FARS2: variants seen among roughly 807,000 people sequenced by gnomAD.
FARS2 encodes phenylalanyl-tRNA synthetase 2, mitochondrial.
A neutral mutation model predicts 46.4 loss-of-function variants in FARS2; 40 were observed. The observed-to-expected ratio is 0.86, with a 90% CI of 0.67 to 1.12. The LOEUF (loss-of-function observed/expected upper bound fraction) is 1.12. Ranked by LOEUF, FARS2 falls within the 50% of genes most tolerant of loss-of-function variation. The pLI is 0.00. For synonymous variants in FARS2, 234 were observed against 214.9 expected (o/e 1.09, Z -0.78); for missense variants, 513 against 567.9 (o/e 0.90, Z 0.98).
chr6:5,366,806 T>G (rs1463630081), intron 1 of FARS2, among the ~76,000 whole-genome samples: 2 of 152,186 alleles, frequency 1.3e-5, no homozygotes, highest in African/African-American at 4.8e-5. Flanking sequence ...TTCTTGTGTT[T>G]TGGCAAGGGT....
intron 4 of FARS2, among the ~76,000 whole-genome samples, chr6:5,522,780 A>G (rs1056306305): frequency 1.2e-4 from 19 of 152,376 alleles, no homozygotes; most frequent in Admixed American, 1.2e-3. Context: ...AAAAATAGAG[A>G]AATTGGACCT....
intron 5 of FARS2, among the ~76,000 whole-genome samples, chr6:5,561,213 CTA>C (rs1352262918): frequency 1.3e-5 from 2 of 152,258 alleles, no homozygotes; most frequent in Non-Finnish European, 2.9e-5. Flanking sequence ...TAAAGAAACA[CTA>C]TTTTAAATTA....
intron 6 of FARS2, among the ~76,000 whole-genome samples, chr6:5,712,551 T>G (rs968183138): frequency 2.0e-5 from 3 of 152,218 alleles, no homozygotes; most frequent in Non-Finnish European, 2.9e-5. Context: ...AACTCGGAAA[T>G]GTAGACAGTT....
chr6:5,634,521 G>A (rs1776448294), intron 6 of FARS2, among the ~76,000 whole-genome samples: 1 of 152,070 alleles, frequency 6.6e-6, no homozygotes, highest in African/African-American at 2.4e-5. Flanking sequence ...TGTTGCCCAG[G>A]CTTGAGAGCC....
chr6:5,539,755 G>A (rs1327370444), intron 4 of FARS2, among the ~76,000 whole-genome samples: 3 of 152,094 alleles, frequency 2.0e-5, no homozygotes, highest in Non-Finnish European at 2.9e-5. Context: ...GGAATGGCAG[G>A]AGCAACTATC....
chr6:5,447,369 C>T (rs1174967893), intron 4 of FARS2, among the ~76,000 whole-genome samples: 1 of 152,156 alleles, frequency 6.6e-6, no homozygotes, highest in Non-Finnish European at 1.5e-5. Flanking sequence ...TGCAGCTTTC[C>T]TAAGCATAAT....
intron 1 of FARS2, among the ~76,000 whole-genome samples, chr6:5,355,374 G>T (rs4960081): frequency 0.21 from 27,197 of 131,260 alleles, 3,076 homozygotes; most frequent in East Asian, 0.5. Flanking sequence ...TTTCCTTTTT[G>T]TTTTTTTTTT....
At chr6:5,615,592 T>A (rs550177439) in intron 6 of FARS2, among the ~76,000 whole-genome samples, 1 of 152,334 alleles carries the variant, frequency 6.6e-6, no homozygotes, top group South Asian at 2.1e-4. Context: ...AATGGCAACA[T>A]TTTTCTGTGA....
chr6:5,309,475 T>C (rs76135533), intron 1 of FARS2, among the ~76,000 whole-genome samples: 3,074 of 152,282 alleles, frequency 0.02, 96 homozygotes, highest in African/African-American at 0.065. Context: ...TTGAAATGAA[T>C]TTCCCTGATG....
intron 4 of FARS2, chr6:5,452,664 A>T (rs1244709022): frequency 1.3e-5 from 2 of 152,214 alleles, no homozygotes; most frequent in African/African-American, 4.8e-5. Flanking sequence ...TGGATGGGTG[A>T]ATGCATTTTG....
chr6:5,485,404 A>T (rs1036093167), intron 4 of FARS2, among the ~76,000 whole-genome samples: 1 of 151,920 alleles, frequency 6.6e-6, no homozygotes, highest in Non-Finnish European at 1.5e-5. Context: ...GGCTTGCTTG[A>T]TCCCTTAAAT....
chr6:5,485,489 T>G (rs1766718840), intron 4 of FARS2, among the ~76,000 whole-genome samples: 2 of 119,504 alleles, frequency 1.7e-5, no homozygotes, highest in Admixed American at 1.0e-4. Flanking sequence ...AGATTTAAAG[T>G]GGGGGGGACT....
At chr6:5,633,262 CTTTTTTTTTTTTTTTTTT>C (rs59797062) in intron 6 of FARS2, among the ~76,000 whole-genome samples, 8 of 50,084 alleles carry the variant, frequency 1.6e-4, no homozygotes, top group Non-Finnish European at 2.2e-4. Context: ...CCATCCCTGG[CTTTTTTTTTTTTTTTTTT>C]TTTTTTTTTT....
At chr6:5,392,017 T>G (rs1301767738) in intron 2 of FARS2, among the ~76,000 whole-genome samples, 3 of 152,182 alleles carry the variant, frequency 2.0e-5, no homozygotes, top group Non-Finnish European at 4.4e-5. Flanking sequence ...AAATAAATTA[T>G]ACAAACTGTT....
chr6:5,479,228 G>A (rs914296894), intron 4 of FARS2, among the ~76,000 whole-genome samples: 2 of 152,166 alleles, frequency 1.3e-5, no homozygotes, highest in African/African-American at 4.8e-5. Flanking sequence ...AACCCTCCTT[G>A]GGGTTACAAC....
the FARS2 span, among the ~76,000 whole-genome samples, chr6:5,253,122 C>T: frequency 6.6e-6 from 1 of 152,178 alleles, no homozygotes; most frequent in South Asian, 2.1e-4. Context: ...TTGCACAATG[C>T]TTAGTGTATA....
intron 1 of FARS2, among the ~76,000 whole-genome samples, chr6:5,328,618 T>C (rs1212590996): frequency 6.6e-6 from 1 of 152,040 alleles, no homozygotes; most frequent in Admixed American, 6.6e-5. Context: ...CATCTTTTCA[T>C]TGGTGTTACT....
chr6:5,322,494 C>T (rs1301709514), intron 1 of FARS2, among the ~76,000 whole-genome samples: 1 of 152,142 alleles, frequency 6.6e-6, no homozygotes, highest in Non-Finnish European at 1.5e-5. Context: ...AGATTGTTTC[C>T]ATTGGCTGAA....
At chr6:5,406,389 A>G (rs989263302) in intron 3 of FARS2, among the ~76,000 whole-genome samples, 1 of 152,156 alleles carries the variant, frequency 6.6e-6, no homozygotes, top group Admixed American at 6.5e-5. Flanking sequence ...GAACATCTTC[A>G]TTGTCCCCAG....
Sources: gnomAD v4.1 joint callset for allele counts (sites outside exome capture counted in the v4.1 genomes callset) on GRCh38, gnomAD v4.1.1 for gene constraint, MANE v1.5 for transcripts, NCBI Gene and HGNC (gene_info 2026-07-23, HGNC 2026-07-21) for gene names.